NFKBIL1: variants seen among roughly 807,000 people sequenced by gnomAD.
NFKBIL1 encodes NFKB inhibitor like 1, also known as NF-kappa-B inhibitor-like protein 1.
Under a neutral mutation model 45.4 loss-of-function variants are expected in NFKBIL1, and 30 were observed. That is an observed-to-expected ratio of 0.66 (90% CI 0.49 to 0.90). The LOEUF (loss-of-function observed/expected upper bound fraction) is 0.90. Among genes scored for constraint, NFKBIL1 ranks in the 40% least tolerant of loss-of-function variants. NFKBIL1 has a pLI of 0.00. For synonymous variants in NFKBIL1, 179 were observed against 197.3 expected (o/e 0.91, Z 0.78); for missense variants, 434 against 513.4 (o/e 0.85, Z 1.49).
chr6:31,555,226 ATTTTTTTTCTTTTTT>A (rs1769650133), intron 2 of NFKBIL1, among the ~76,000 whole-genome samples: 1 of 132,240 alleles, frequency 7.6e-6, no homozygotes. Flanking sequence ...TTGCCAGTCT[ATTTTTTTTCTTTTTT>A]TTTTTTTTTT....
chr6:31,557,868 T>C lies in NFKBIL1; in HGVS notation c.556+19T>C, dbSNP rs1402459562. The C allele has an allele frequency of 6.4e-7, 1 of 1,566,584 alleles. No individual in the cohort carries two copies. The highest frequency in any genetic ancestry group is 1.2e-5 in the South Asian group (1 of 85,090). ...TTTGAAGGTGAGAAGTCCACTGCTA[T>C]CCACAGCTGCCCTTCCCCACTGGCT... On this transcript the variant is annotated intron_variant, in intron 3 of 3. Coordinates refer to ENST00000376148, the MANE Select transcript of NFKBIL1 (RefSeq NM_005007.4). This position sits in a 1 kb window ranked among gnomAD's most constrained non-coding sequence, Gnocchi z 5.4.
chr6:31,548,384 C>G lies in NFKBIL1; in HGVS notation c.279C>G (p.His93Gln). ...TTCGGCTCGGGGCTGACCCTGCCCA[C>G]CAGGACCGCCATGGGGACACGGCAC... ...LLLRLGADPA[H>Q]QDRHGDTALH... is the part of the protein sequence containing the mutation. The change falls in exon 2 of 4, where the codon CAC (histidine) becomes CAG (glutamine). Residue 93 changes from histidine (H) to glutamine (Q), a missense_variant. His to Gln is a conservative substitution (Grantham distance 24). Transcript: ENST00000376148. 1.3e-6 allele frequency: 2 copies of G among 1,559,384 alleles called. No homozygotes were observed. Among genetic ancestry groups the G allele is most frequent in the Non-Finnish European group, 1.7e-6 (2 of 1,156,034 alleles).
Position 31,548,761 on chromosome 6 carries a change from C to G in NFKBIL1, c.334+322C>G, listed in dbSNP as rs1208042281. ...GCTCTGGAGTTAGATTGCCTGGATT[C>G]AAACCCCAGCTCCAAATCCCAGCTC... is the stretch of plus-strand genomic sequence containing the variant. On this transcript the variant is annotated intron_variant, in intron 2 of 3. Transcript: ENST00000376148. Among the ~76,000 whole-genome samples, 8 of 152,320 alleles carry G rather than the reference C, an allele frequency of 5.3e-5. No individual in the cohort carries two copies. In the East Asian group the frequency reaches 1.5e-3, roughly 29 times the overall value.
intron 2 of NFKBIL1, among the ~76,000 whole-genome samples, chr6:31,551,225 T>C (rs1208861452): frequency 6.6e-6 from 1 of 151,982 alleles, no homozygotes; most frequent in African/African-American, 2.4e-5. Context: ...ACTGTTTTGC[T>C]ATGTTATCCA....
In NFKBIL1 at chr6:31,558,427, G is replaced by GC; in HGVS notation, c.968dup (p.Leu324PhefsTer21). 1 of 1,550,942 alleles carries GC rather than the reference G, an allele frequency of 6.4e-7. No homozygotes were observed. Among genetic ancestry groups the GC allele is most frequent in the Non-Finnish European group, 8.7e-7 (1 of 1,147,152 alleles). ...ATGGCTGCAGCCCTGGTGGCCAGGGGCCCCCCTTTGGAGGAACAGGGGGCT... is the reference window on the plus strand; with the variant it reads ...ATGGCTGCAGCCCTGGTGGCCAGGGGCCCCCCCTTTGGAGGAACAGGGGGCT... On this transcript the variant is annotated frameshift_variant, in exon 4 of 4. Transcript: ENST00000376148. LOFTEE classifies it high-confidence loss of function. The surrounding 1 kb of genome is among the most constrained non-coding windows in gnomAD (Gnocchi z 7.2).
In NFKBIL1 at chr6:31,558,420, GC is replaced by G; in HGVS notation, c.957del (p.Arg320GlyfsTer11). On this transcript the variant is annotated frameshift_variant, in exon 4 of 4. Coordinates refer to ENST00000376148, the MANE Select transcript of NFKBIL1 (RefSeq NM_005007.4). LOFTEE classifies it high-confidence loss of function. The surrounding 1 kb of genome is among the most constrained non-coding windows in gnomAD (Gnocchi z 7.2). ...DPEAMAAALV[A>X]RGPPLEEQGA... ...AGAGGCCATGGCTGCAGCCCTGGTGGCCAGGGGCCCCCCTTTGGAGGAACAG... is the reference window on the plus strand; with the variant it reads ...AGAGGCCATGGCTGCAGCCCTGGTGGCAGGGGCCCCCCTTTGGAGGAACAG... 1 of 1,551,096 alleles carries G rather than the reference GC, an allele frequency of 6.4e-7. No homozygotes were observed. Among genetic ancestry groups the G allele is most frequent in the Non-Finnish European group, 8.7e-7 (1 of 1,147,156 alleles).
In NFKBIL1 at chr6:31,558,818, T is replaced by G; in HGVS notation, c.*207T>G. On this transcript the variant is annotated 3_prime_UTR_variant, in exon 4 of 4. Transcript: ENST00000376148. The surrounding 1 kb of genome is among the most constrained non-coding windows in gnomAD (Gnocchi z 7.2). ...TCTGCCGTTTCCTAATAAGACCTGG[T>G]TCCACATCTCACTCCCAGTGTCTCC... 1 of 537,002 alleles carries G rather than the reference T, an allele frequency of 1.9e-6. No individual in the cohort carries two copies. Among genetic ancestry groups the G allele is most frequent in the Non-Finnish European group, 3.4e-6 (1 of 298,364 alleles). The allele number at this position is 537,002 out of a possible 1,614,324, so 33.3% of individuals were successfully genotyped here. A position where few individuals can be genotyped will look rare whatever the true frequency, so the allele number is the denominator to read the frequency against.
At position 31,558,751 on chromosome 6, in the gene NFKBIL1, A is replaced by AG; in HGVS notation, c.*141dup. 1 of 537,370 alleles carries AG rather than the reference A, an allele frequency of 1.9e-6. No homozygotes were observed. The highest frequency in any genetic ancestry group is 2.3e-5 in the South Asian group (1 of 44,428). 33.3% of individuals were successfully genotyped at this position (537,370 alleles called of 1,614,324 possible). ...ATGGGTGGGAGCGAAAGTTGTAACA[A>AG]GTGGGGGTGGGGGGTGCGGGCCGCC... On this transcript the variant is annotated 3_prime_UTR_variant, in exon 4 of 4. Transcript: ENST00000376148. The surrounding 1 kb of genome is among the most constrained non-coding windows in gnomAD (Gnocchi z 7.2).
chr6:31,558,679 A>C lies in NFKBIL1; in HGVS notation c.*68A>C, dbSNP rs201361219. The C allele has an allele frequency of 7.4e-7, 1 of 1,356,830 alleles. No homozygotes were observed. The highest frequency in any genetic ancestry group is 1.5e-5 in the African/African-American group (1 of 68,708). 84.0% of individuals were successfully genotyped at this position (1,356,830 alleles called of 1,614,324 possible). On this transcript the variant is annotated 3_prime_UTR_variant, in exon 4 of 4. Coordinates refer to ENST00000376148, the MANE Select transcript of NFKBIL1 (RefSeq NM_005007.4). This position sits in a 1 kb window ranked among gnomAD's most constrained non-coding sequence, Gnocchi z 7.2. The stretch of plus-strand genomic sequence containing the variant: ...ATGAGGCAGAAGGAAGGGTAAGGGA[A>C]AGGATGGGGACCACAAGGAAGAGCC...
At position 31,557,578 on chromosome 6, in the gene NFKBIL1, G is replaced by T; in HGVS notation, c.335-50G>T. On this transcript the variant is annotated intron_variant, in intron 2 of 3. Transcript: ENST00000376148. The surrounding 1 kb of genome is among the most constrained non-coding windows in gnomAD (Gnocchi z 5.4). ...CAGGATTCAAGATGGCAGCTCTGCC[G>T]AGGAGTGGGAGTCCCAGCTAACTTC... 1 of 1,415,980 alleles carries T rather than the reference G, an allele frequency of 7.1e-7. No homozygotes were observed. The allele number at this position is 1,415,980 out of a possible 1,614,324, so 87.7% of individuals were successfully genotyped here. A position where few individuals can be genotyped will look rare whatever the true frequency, so the allele number is the denominator to read the frequency against.
chr6:31,554,763 A>G (rs1031668792), intron 2 of NFKBIL1, among the ~76,000 whole-genome samples: 1 of 152,228 alleles, frequency 6.6e-6, no homozygotes, highest in African/African-American at 2.4e-5. Context: ...AATTCCACTT[A>G]TGAAAATCTA....
Position 31,557,718 on chromosome 6 carries a change from T to G in NFKBIL1, c.425T>G (p.Leu142Trp). Residue 142 changes from leucine to tryptophan, a missense_variant, in exon 3 of 4, where the codon TTG (leucine) becomes TGG (tryptophan). Leu to Trp is a moderately conservative substitution (Grantham distance 61). Around this residue, in one of 4 missense-constraint regions of NFKBIL1, gnomAD observed 231 missense variants for 264.1 expected, o/e 0.87. Transcript: ENST00000376148. The surrounding 1 kb of genome is among the most constrained non-coding windows in gnomAD (Gnocchi z 5.4). ...NKDGETPGQI[L>W]GWGPPWDSAE... The stretch of plus-strand genomic sequence containing the variant: ...GATGGGGAGACCCCTGGCCAAATTT[T>G]GGGCTGGGGACCCCCCTGGGATTCT... 6.2e-7 allele frequency: 1 copy of G among 1,609,414 alleles called. No individual in the cohort carries two copies.
At chr6:31,550,924 T>G (rs1671002807) in intron 2 of NFKBIL1, among the ~76,000 whole-genome samples, 1 of 152,184 alleles carries the variant, frequency 6.6e-6, no homozygotes, top group Non-Finnish European at 1.5e-5. Context: ...CGACCTCAGG[T>G]GACCTGCCAG....
At chr6:31,550,875 G>A (rs1460776564) in intron 2 of NFKBIL1, among the ~76,000 whole-genome samples, 6 of 152,106 alleles carry the variant, frequency 3.9e-5, no homozygotes, top group African/African-American at 1.4e-4. Context: ...TTTTGGTAGA[G>A]ACGGTTTCTC....
At chr6:31,548,801 A>G (rs1475821805) in intron 2 of NFKBIL1, among the ~76,000 whole-genome samples, 3 of 152,234 alleles carry the variant, frequency 2.0e-5, no homozygotes, top group African/African-American at 7.2e-5. Context: ...CTTCATAGCT[A>G]CGTATTCTTG....
intron 2 of NFKBIL1, among the ~76,000 whole-genome samples, chr6:31,551,231 A>G (rs983638663): frequency 7.3e-5 from 11 of 151,680 alleles, no homozygotes; most frequent in Admixed American, 5.3e-4. Flanking sequence ...TTGCTATGTT[A>G]TCCAGGCTGT....
chr6:31,552,265 CTGTTTTGTTT>C (rs72488655), intron 2 of NFKBIL1, among the ~76,000 whole-genome samples: 8 of 150,750 alleles, frequency 5.3e-5, no homozygotes, highest in African/African-American at 1.5e-4. Context: ...TTTTTGTTTT[CTGTTTTGTTT>C]TGTTTTGTTT....
Position 31,557,979 on chromosome 6 carries a change from C to A in NFKBIL1, c.557-43C>A. The A allele has an allele frequency of 6.6e-7, 1 of 1,516,066 alleles. No individual in the cohort carries two copies. Among genetic ancestry groups the A allele is most frequent in the Non-Finnish European group, 8.9e-7 (1 of 1,122,188 alleles). 93.9% of individuals were successfully genotyped at this position (1,516,066 alleles called of 1,614,324 possible). On this transcript the variant is annotated intron_variant, in intron 3 of 3. Coordinates refer to ENST00000376148, the MANE Select transcript of NFKBIL1 (RefSeq NM_005007.4). The surrounding 1 kb of genome is among the most constrained non-coding windows in gnomAD (Gnocchi z 5.4). ...TGCTTCTTGGGGCCCATCACCTTCT[C>A]ACAGCCTCTCTCCAACTACCCCCAT...
intron 2 of NFKBIL1, among the ~76,000 whole-genome samples, chr6:31,556,996 AGT>A (rs1769775218): frequency 6.6e-6 from 1 of 152,252 alleles, no homozygotes; most frequent in Non-Finnish European, 1.5e-5. Context: ...TGGAATACAT[AGT>A]CAAAGAATTT....
Sources: gnomAD v4.1 joint callset for allele counts (sites outside exome capture counted in the v4.1 genomes callset) on GRCh38, gnomAD v4.1.1 for gene constraint, gnomAD v4.1.1 regional missense constraint, Gnocchi (gnomAD v3.1) non-coding constraint, MANE v1.5 for transcripts, NCBI Gene and HGNC (gene_info 2026-07-23, HGNC 2026-07-21) for gene names.